The following XKR9 variants were observed in gnomAD, a reference collection of about 807,000 sequenced individuals.
XKR9 encodes the protein XK-related protein 9.
XKR9 carries 32 observed loss-of-function variants against 32.0 expected under a neutral mutation model. That is an observed-to-expected ratio of 1.00 (90% CI 0.76 to 1.34). The LOEUF (loss-of-function observed/expected upper bound fraction) is 1.34. Ranked by LOEUF, XKR9 falls within the 40% of genes most tolerant of loss-of-function variation. XKR9 has a pLI of 0.00. For synonymous variants in XKR9, 168 were observed against 143.4 expected, an observed-to-expected ratio of 1.17 and a Z score of -1.22; for missense variants, 546 against 429.7, an observed-to-expected ratio of 1.27 and a Z score of -2.39.
At chr8:70,684,470 A>G (rs1443546612) in intron 3 of XKR9, among the ~76,000 whole-genome samples, 3 of 152,136 alleles carry the variant, frequency 2.0e-5, no homozygotes, top group African/African-American at 7.2e-5. Flanking sequence ...GCATATAAAT[A>G]TATACACATA....
chr8:70,883,431 T>A, the XKR9 span, among the ~76,000 whole-genome samples: 4 of 152,132 alleles, frequency 2.6e-5, no homozygotes, highest in Admixed American at 6.6e-5. Context: ...ATTGTGCTGC[T>A]ATAGACTTGT....
intron 2 of XKR9, chr8:70,780,843 G>A (rs1271290570): frequency 6.6e-6 from 1 of 151,874 alleles, no homozygotes; most frequent in Non-Finnish European, 1.5e-5. Context: ...CATCAGCAAT[G>A]AGGTTTCTCC....
chr8:71,036,747 C>T, the XKR9 span, among the ~76,000 whole-genome samples: 1 of 152,084 alleles, frequency 6.6e-6, no homozygotes, highest in African/African-American at 2.4e-5. Context: ...GCTTTCAGAA[C>T]TGGGGCATCA....
the XKR9 span, among the ~76,000 whole-genome samples, chr8:70,930,306 T>C: frequency 6.6e-6 from 1 of 151,988 alleles, no homozygotes; most frequent in Non-Finnish European, 1.5e-5. Context: ...GGCTGAATTG[T>C]GGGGGAGTAG....
At chr8:70,871,805 G>A in the XKR9 span, among the ~76,000 whole-genome samples, 1 of 152,174 alleles carries the variant, frequency 6.6e-6, no homozygotes, top group African/African-American at 2.4e-5. Context: ...AGCTATGTGA[G>A]GCAGGCATGT....
chr8:70,687,866 C>T (rs34719517), intron 3 of XKR9, among the ~76,000 whole-genome samples: 50,248 of 151,108 alleles, frequency 0.33, 9,427 homozygotes, highest in Middle Eastern at 0.43. Flanking sequence ...TATTGTCTAA[C>T]ATATGGTCCA....
At chr8:70,939,852 A>AT in the XKR9 span, among the ~76,000 whole-genome samples, 3 of 151,992 alleles carry the variant, frequency 2.0e-5, no homozygotes, top group African/African-American at 7.2e-5. Context: ...GAACAAAAAC[A>AT]TTTTTTTGGT....
chr8:70,840,727 A>G, the XKR9 span, among the ~76,000 whole-genome samples: 1 of 152,162 alleles, frequency 6.6e-6, no homozygotes, highest in African/African-American at 2.4e-5. Context: ...GGAGAGGGGA[A>G]TTAGTGTGCT....
chr8:70,935,065 G>T, the XKR9 span, among the ~76,000 whole-genome samples: 1 of 147,840 alleles, frequency 6.8e-6, no homozygotes, highest in East Asian at 2.0e-4. Context: ...TAATAACTTG[G>T]TTAGCTATTT....
the XKR9 span, among the ~76,000 whole-genome samples, chr8:70,811,032 A>T: frequency 2.6e-5 from 4 of 152,168 alleles, no homozygotes; most frequent in Non-Finnish European, 5.9e-5. Context: ...TTGACCACAT[A>T]CTTGGAAGTA....
the XKR9 span, among the ~76,000 whole-genome samples, chr8:71,014,326 C>T: frequency 2.6e-5 from 4 of 152,162 alleles, no homozygotes; most frequent in Admixed American, 6.5e-5. Flanking sequence ...TGGCTTACAA[C>T]AACAGAGTGT....
chr8:71,011,183 C>A, the XKR9 span, among the ~76,000 whole-genome samples: 1 of 152,044 alleles, frequency 6.6e-6, no homozygotes, highest in Admixed American at 6.6e-5. Flanking sequence ...TGCACTTAGA[C>A]GAGCAAAATA....
chr8:70,717,437 C>A (rs1160144074), intron 4 of XKR9, among the ~76,000 whole-genome samples: 1 of 152,200 alleles, frequency 6.6e-6, no homozygotes, highest in Non-Finnish European at 1.5e-5. Context: ...AATCTCACTT[C>A]TTGACTTCTG....
the XKR9 span, among the ~76,000 whole-genome samples, chr8:70,841,940 TTCC>T: frequency 6.6e-6 from 1 of 152,208 alleles, no homozygotes; most frequent in African/African-American, 2.4e-5. Context: ...TAAATATCTG[TTCC>T]TCATCTCACT....
intron 2 of XKR9, among the ~76,000 whole-genome samples, chr8:70,774,335 A>G (rs1807490831): frequency 6.6e-6 from 1 of 152,096 alleles, no homozygotes; most frequent in Non-Finnish European, 1.5e-5. Context: ...GGGTCTTGTT[A>G]TGTTGCTTAG....
the XKR9 span, among the ~76,000 whole-genome samples, chr8:70,857,886 GC>G: frequency 1.1e-4 from 16 of 152,120 alleles, no homozygotes; most frequent in Non-Finnish European, 2.4e-4. Flanking sequence ...CTCAATAGAT[GC>G]AGAAAAGGCC....
At chr8:70,751,088 C>T (rs1273626050) in intron 2 of XKR9, among the ~76,000 whole-genome samples, 1 of 152,060 alleles carries the variant, frequency 6.6e-6, no homozygotes, top group Non-Finnish European at 1.5e-5. Flanking sequence ...GCTTGCTGGC[C>T]CACCCTGCTG....
the XKR9 span, among the ~76,000 whole-genome samples, chr8:71,047,602 G>A: frequency 1.3e-5 from 2 of 152,172 alleles, no homozygotes; most frequent in Non-Finnish European, 2.9e-5. Context: ...TAGGTAATAT[G>A]CAATCTCTCT....
At position 70,735,608 on chromosome 8, in the gene XKR9, C is replaced by A. The variant is rs1277331861; in HGVS notation, c.*1184C>A. The A allele has an allele frequency of 2.0e-5, 2 of 98,916 alleles. No homozygotes were observed. The highest frequency in any genetic ancestry group is 3.8e-5 in the Non-Finnish European group (2 of 53,250). The allele number at this position is 98,916 out of a possible 1,614,324, so 6.1% of individuals were successfully genotyped here. ...AGGTATATCTCCTAAAGCTATCCCT[C>A]CCCCCTCCCCCCACCCCACAACAGT... On this transcript the variant is annotated 3_prime_UTR_variant, in exon 5 of 5. Coordinates refer to ENST00000408926, the MANE Select transcript of XKR9 (RefSeq NM_001011720.2).
Sources: gnomAD v4.1 joint callset for allele counts (sites outside exome capture counted in the v4.1 genomes callset) on GRCh38, gnomAD v4.1.1 for gene constraint, MANE v1.5 for transcripts, NCBI Gene and HGNC (gene_info 2026-07-23, HGNC 2026-07-21) for gene names.